Variants in DOP1B observed in about 807,000 individuals in gnomAD.
The protein encoded by DOP1B is protein DOP1B.
DOP1B carries 174 observed loss-of-function variants against 233.5 expected under a neutral mutation model. That is an observed-to-expected ratio of 0.75 (90% CI 0.66 to 0.85). The LOEUF (loss-of-function observed/expected upper bound fraction) is 0.85, where lower values mean the gene tolerates loss of function less well. Among genes scored for constraint, DOP1B ranks in the 40% least tolerant of loss-of-function variants. The pLI, the probability that DOP1B is intolerant of heterozygous loss-of-function variation, is 0.00. For synonymous variants in DOP1B, 1,190 were observed against 1,185.6 expected (o/e 1.00, Z -0.08); for missense variants, 2,652 against 2,846.6 (o/e 0.93, Z 1.56).
intron 4 of DOP1B, among the ~76,000 whole-genome samples, chr21:36,201,410 C>T (rs998101828): frequency 1.5e-5 from 2 of 130,700 alleles, no homozygotes; most frequent in Admixed American, 1.8e-4. Context: ...TGCAGTGGTG[C>T]GATCTCGGCT....
chr21:36,285,881 G>A (rs191953027), intron 32 of DOP1B, among the ~76,000 whole-genome samples: 2,042 of 152,034 alleles, frequency 0.013, 38 homozygotes, highest in African/African-American at 0.046. Flanking sequence ...GGTTTCAGGC[G>A]CCTATAATCC....
intron 1 of DOP1B, among the ~76,000 whole-genome samples, chr21:36,157,778 T>C (rs902068876): frequency 6.6e-6 from 1 of 152,218 alleles, no homozygotes; most frequent in African/African-American, 2.4e-5. Context: ...TCATTATCAA[T>C]TTTATTACTA....
rs374027554 is a variant in DOP1B, at chr21:36,247,510, A to G, written c.4698-7A>G. 1.4e-5 allele frequency: 22 copies of G among 1,575,338 alleles called. No individual in the cohort carries two copies. Among genetic ancestry groups the G allele is most frequent in the Admixed American group, 2.0e-5 (1 of 49,328 alleles). On this transcript the variant is annotated splice_region_variant and splice_polypyrimidine_tract_variant and intron_variant, in intron 19 of 36. Coordinates refer to ENST00000691173, the MANE Select transcript of DOP1B (RefSeq NM_001320714.2). ...TCTCAAACCAGTTTCTCTTTTCTTC[A>G]CCACAGCACAACCTCCAAGAGGGAA...
chr21:36,290,797 CAAA>C (rs138791873), intron 35 of DOP1B, among the ~76,000 whole-genome samples: 5 of 129,914 alleles, frequency 3.8e-5, no homozygotes, highest in Non-Finnish European at 3.3e-5. Flanking sequence ...GACTCCATCT[CAAA>C]AAAAAAAAAA....
intron 17 of DOP1B, 116 bp from the exon 18 acceptor site, chr21:36,239,649 T>C: frequency 8.4e-7 from 1 of 1,191,034 alleles, no homozygotes; most frequent in African/African-American, 1.6e-5. Context: ...AAGTCCAGCT[T>C]GGGTGGAGGT....
At chr21:36,222,594 A>G (rs570655569) in intron 10 of DOP1B, among the ~76,000 whole-genome samples, 1 of 152,172 alleles carries the variant, frequency 6.6e-6, no homozygotes, top group African/African-American at 2.4e-5. Context: ...AAAAAAAAAA[A>G]AGAAGATAAA....
chr21:36,251,207 C>T lies in DOP1B; in HGVS notation c.5044C>T (p.His1682Tyr), dbSNP rs563208003. The change falls in exon 22 of 37, where the codon CAT becomes TAT. Residue 1682 changes from histidine (H) to tyrosine (Y), a missense_variant. His to Tyr is a moderately conservative substitution (Grantham distance 83). Around this residue, in one of 3 missense-constraint regions of DOP1B, gnomAD observed 2,617 missense variants for 2,794.3 expected, o/e 0.94. Transcript: ENST00000691173. The part of the protein sequence containing the change: ...ILDFLNPLTA[H>Y]LGVQLTAAVA... ...AGACTTCTTAAACCCCTTGACGGCC[C>T]ATCTTGGGGTTCAGTTGACAGCGGC... is the stretch of plus-strand genomic sequence containing the variant. The T allele has an allele frequency of 3.7e-6, 6 of 1,614,004 alleles. No homozygotes were observed. In the South Asian group the frequency reaches 6.6e-5, roughly 18 times the overall value.
chr21:36,292,663 G>C (rs987725985), intron 36 of DOP1B, among the ~76,000 whole-genome samples: 3 of 149,140 alleles, frequency 2.0e-5, no homozygotes, highest in African/African-American at 7.4e-5. Flanking sequence ...CCAGACTGGA[G>C]TGCAATGGCA....
At chr21:36,163,344 C>CAAAAAAAAAAAA (rs762277927) in intron 1 of DOP1B, among the ~76,000 whole-genome samples, 5 of 107,730 alleles carry the variant, frequency 4.6e-5, no homozygotes, top group African/African-American at 6.9e-5. Flanking sequence ...GACTCTGTCT[C>CAAAAAAAAAAAA]AAAAAAAAAA....
chr21:36,231,026 G>GA lies in DOP1B; in HGVS notation c.2243dup (p.Ala749GlyfsTer39). ...GGGGGGTTCCAGGGAGGAACGCAGG[G>GA]AGGCCTTTGCCGCCGCCTGCCACCT... On this transcript the variant is annotated frameshift_variant, in exon 14 of 37. Transcript: ENST00000691173. LOFTEE classifies it high-confidence loss of function. The GA allele has an allele frequency of 6.2e-7, 1 of 1,614,194 alleles. No individual in the cohort carries two copies. Among genetic ancestry groups the GA allele is most frequent in the Non-Finnish European group, 8.5e-7 (1 of 1,180,040 alleles).
At chr21:36,270,965 T>C (rs79003869) in intron 27 of DOP1B, among the ~76,000 whole-genome samples, 1 of 151,524 alleles carries the variant, frequency 6.6e-6, no homozygotes, top group Non-Finnish European at 1.5e-5. Context: ...ATGTCTTAAC[T>C]TGTGTTTTTT....
intron 26 of DOP1B, among the ~76,000 whole-genome samples, chr21:36,269,397 C>T (rs574315259): frequency 3.3e-5 from 5 of 152,064 alleles, no homozygotes; most frequent in African/African-American, 9.7e-5. Context: ...TCAGGTGATC[C>T]GCCCGCCTCA....
chr21:36,225,706 A>T, intron 12 of DOP1B, 39 bp downstream of exon 12: 1 of 1,600,730 alleles, frequency 6.2e-7, no homozygotes, highest in African/African-American at 1.3e-5. Flanking sequence ...GCCTGCTATT[A>T]TTTACATTCT....
Position 36,278,090 on chromosome 21 carries a change from G to A in DOP1B, c.5822+6G>A, listed in dbSNP as rs752753642. On this transcript the variant is annotated splice_donor_region_variant and intron_variant, in intron 29 of 36. Transcript: ENST00000691173. ...CCATACTTACGCAACCACAGGTAACGTCATCTTCGCCATTTCTTCCCACCC... is the reference window on the plus strand; with the variant it reads ...CCATACTTACGCAACCACAGGTAACATCATCTTCGCCATTTCTTCCCACCC... The A allele has an allele frequency of 4.3e-6, 7 of 1,613,638 alleles. No homozygotes were observed. Among genetic ancestry groups the A allele is most frequent in the East Asian group, 4.5e-5 (2 of 44,888 alleles).
intron 23 of DOP1B, among the ~76,000 whole-genome samples, chr21:36,255,152 A>T (rs141991757): frequency 1.3e-5 from 2 of 151,382 alleles, no homozygotes; most frequent in Non-Finnish European, 2.9e-5. Context: ...AGTTTTTTCG[A>T]GATGAAGTCT....
chr21:36,275,364 C>T (rs866096381), intron 27 of DOP1B, among the ~76,000 whole-genome samples: 21 of 152,198 alleles, frequency 1.4e-4, no homozygotes, highest in East Asian at 1.2e-3. Context: ...CAGTGGCTCA[C>T]GCCTGTAATC....
chr21:36,225,485 C>A (rs2066671456), intron 11 of DOP1B, 80 bp from the exon 12 acceptor site: 2 of 1,505,834 alleles, frequency 1.3e-6, no homozygotes, highest in Non-Finnish European at 1.8e-6. Flanking sequence ...CCCATCTCGG[C>A]CTCCCAAAGT....
chr21:36,203,339 A>T (rs2066391458), intron 4 of DOP1B, among the ~76,000 whole-genome samples: 1 of 152,208 alleles, frequency 6.6e-6, no homozygotes, highest in South Asian at 2.1e-4. Context: ...ACAGTAATTG[A>T]AGTGACTGTA....
In DOP1B at chr21:36,159,057, G is replaced by A. The variant is rs929347749; in HGVS notation, c.-27+2114G>A. Among the ~76,000 whole-genome samples the A allele has an allele frequency of 6.8e-4, 102 of 149,988 alleles. 2 individuals are homozygous for A. The highest frequency in any genetic ancestry group is 3.4e-3 in the South Asian group (16 of 4,710). The stretch of plus-strand genomic sequence containing the variant: ...TGAGGCAGGAGAATCGCTGGAACCC[G>A]GGAGGCAGAGGTTGCAGTGAGCCAA... On this transcript the variant is annotated intron_variant, in intron 1 of 36. Transcript: ENST00000691173.
Sources: gnomAD v4.1 joint callset for allele counts (sites outside exome capture counted in the v4.1 genomes callset) on GRCh38, gnomAD v4.1.1 for gene constraint, gnomAD v4.1.1 regional missense constraint, MANE v1.5 for transcripts, NCBI Gene and HGNC (gene_info 2026-07-23, HGNC 2026-07-21) for gene names.